MOB1B: variants seen among roughly 807,000 people sequenced by gnomAD.
The protein encoded by MOB1B is MOB kinase activator 1B.
In MOB1B, 19 loss-of-function variants were observed where a neutral mutation model predicts 24.4. The observed-to-expected ratio is 0.78, with a 90% CI of 0.54 to 1.14. The LOEUF (loss-of-function observed/expected upper bound fraction) is 1.14, where lower values mean the gene tolerates loss of function less well. Among genes scored for constraint, MOB1B ranks in the 50% most tolerant of loss-of-function variants. The probability of loss-of-function intolerance (pLI) is 0.00; values close to 1 mark genes in which losing one functional copy is unlikely to be tolerated. For synonymous variants in MOB1B, 76 were observed against 82.1 expected (o/e 0.93, Z 0.40); for missense variants, 243 against 259.6 (o/e 0.94, Z 0.44).
chr4:70,902,082 C>T (rs952566447), upstream of MOB1B, among the ~76,000 whole-genome samples: 3 of 152,196 alleles, frequency 2.0e-5, no homozygotes, highest in African/African-American at 7.2e-5. Context: ...CTGAGCGGCT[C>T]CGAGAGCTCT....
At position 70,979,120 on chromosome 4, in the gene MOB1B, T is replaced by C. The variant is rs2148904442; in HGVS notation, c.410-8T>C. ...GTTACTAGAGGGAGTTGTTTATCTC[T>C]TTTCTAGGTGTCCCGTTCCCAAAGA... On this transcript the variant is annotated splice_polypyrimidine_tract_variant and splice_region_variant and intron_variant, in intron 4 of 5. Transcript: ENST00000309395. 6.2e-7 allele frequency: 1 copy of C among 1,611,856 alleles called. No individual in the cohort carries two copies. The highest frequency in any genetic ancestry group is 2.2e-5 in the East Asian group (1 of 44,842).
Position 70,984,457 on chromosome 4 carries a change from A to G in MOB1B, c.*2400A>G, listed in dbSNP as rs2148906952. 6.6e-6 allele frequency: 1 copy of G among 152,334 alleles called. No homozygotes were observed. Among genetic ancestry groups the G allele is most frequent in the African/African-American group, 2.4e-5 (1 of 41,584 alleles). The allele number at this position is 152,334 out of a possible 1,614,324, so 9.4% of individuals were successfully genotyped here. Reference sequence around the variant, plus strand: ...TATAAGGATCAGTGCTTTGTTCTGCAGCAGAGTTTGCTGATAAATGTCTGT... The same window carrying G: ...TATAAGGATCAGTGCTTTGTTCTGCGGCAGAGTTTGCTGATAAATGTCTGT... On this transcript the variant is annotated 3_prime_UTR_variant, in exon 6 of 6. Transcript: ENST00000309395.
rs374990236 is a variant in MOB1B at position 70,955,112 on chromosome 4, TA to T, written c.15-3759del. Among the ~76,000 whole-genome samples the T allele has an allele frequency of 3.2e-4, 49 of 152,236 alleles. No individual in the cohort carries two copies. In the East Asian group the frequency reaches 5.2e-3, roughly 16 times the overall value. ...AGATTTTATTTTTTCTACCAAAGTA[TA>T]AAGTTCTGGGAGGAGAATTGATCAA... On this transcript the variant is annotated intron_variant, in intron 1 of 5. Transcript: ENST00000309395.
In MOB1B at chr4:70,982,316, T is replaced by C. The variant is rs1739241394; in HGVS notation, c.*259T>C. ...AACTTGGTTTTGGTTACTTGAGGAG[T>C]TTTTTAATAATATTGTGTGCTGCAA... On this transcript the variant is annotated 3_prime_UTR_variant, in exon 6 of 6. Transcript: ENST00000309395. 1 of 289,196 alleles carries C rather than the reference T, an allele frequency of 3.5e-6. No homozygotes were observed. The highest frequency in any genetic ancestry group is 5.1e-5 in the Admixed American group (1 of 19,674). 17.9% of individuals were successfully genotyped at this position (289,196 alleles called of 1,614,324 possible).
chr4:70,977,193 C>G lies in MOB1B; in HGVS notation c.409+1907C>G, dbSNP rs182024382. Among the ~76,000 whole-genome samples, 23 of 152,240 alleles carry G rather than the reference C, an allele frequency of 1.5e-4. No individual in the cohort carries two copies. The East Asian group carries it at 4.2e-3, about 28-fold the overall frequency. On this transcript the variant is annotated intron_variant, in intron 4 of 5. Transcript: ENST00000309395. ...TTTTCTTAATAATGTACTTTATAAG[C>G]AAAGGAAATCTTTTATATTTGTTTT... is the stretch of plus-strand genomic sequence containing the variant.
chr4:70,904,776 A>T (rs1352550515), intron 1 of MOB1B, among the ~76,000 whole-genome samples: 2 of 149,698 alleles, frequency 1.3e-5, no homozygotes, highest in Admixed American at 1.3e-4. Flanking sequence ...AAAAAAAAAA[A>T]GGTTAAAGCA....
intron 1 of MOB1B, among the ~76,000 whole-genome samples, chr4:70,912,904 G>C (rs1272927729): frequency 6.6e-6 from 1 of 152,170 alleles, no homozygotes; most frequent in African/African-American, 2.4e-5. Flanking sequence ...GGGACTACAA[G>C]CATGTTCTAC....
intron 1 of MOB1B, among the ~76,000 whole-genome samples, chr4:70,903,160 C>T (rs1735587675): frequency 6.6e-6 from 1 of 152,176 alleles, no homozygotes; most frequent in Admixed American, 6.6e-5. Flanking sequence ...TCTGGAGCCG[C>T]CCCCTTGCTT....
rs561379972 is a variant in MOB1B, at chr4:70,904,548, C to T, written c.14+1998C>T. Among the ~76,000 whole-genome samples the T allele has an allele frequency of 1.9e-3, 284 of 151,742 alleles. 1 individual carries two copies. Among genetic ancestry groups the T allele is most frequent in the African/African-American group, 6.5e-3 (268 of 41,414 alleles). On this transcript the variant is annotated intron_variant, in intron 1 of 5. Coordinates refer to ENST00000309395, the MANE Select transcript of MOB1B (RefSeq NM_173468.4). The stretch of plus-strand genomic sequence containing the variant: ...GGCCAAGACAGGCAGATCACCAGGT[C>T]AGGAGTTCGAGATCAGCCTGGCCAA...
chr4:70,954,272 C>T lies in MOB1B; in HGVS notation c.15-4602C>T, dbSNP rs557515564. Among the ~76,000 whole-genome samples the T allele has an allele frequency of 3.3e-4, 50 of 152,090 alleles. No individual in the cohort carries two copies. The South Asian group carries it at 9.6e-3, about 29-fold the overall frequency. ...TGAAAATACTAAATGTTGCATATAT[C>T]CTCTCATTTTGCCACTGTCCTGTGA... On this transcript the variant is annotated intron_variant, in intron 1 of 5. Transcript: ENST00000309395.
chr4:70,975,570 CT>C, intron 4 of MOB1B: 2 of 1,033,928 alleles, frequency 1.9e-6, no homozygotes, highest in Non-Finnish European at 2.3e-6. Context: ...TGATCTCCCT[CT>C]CTTAAGGTAA....
chr4:70,923,839 A>G (rs986048480), intron 1 of MOB1B, among the ~76,000 whole-genome samples: 2 of 150,646 alleles, frequency 1.3e-5, no homozygotes, highest in African/African-American at 2.4e-5. Context: ...AGTCCCACCT[A>G]CTCAGGCTGA....
intron 1 of MOB1B, among the ~76,000 whole-genome samples, chr4:70,931,279 G>T (rs375180659): frequency 4.6e-5 from 7 of 152,178 alleles, no homozygotes; most frequent in Non-Finnish European, 2.9e-5. Flanking sequence ...ATGATTTGCA[G>T]TTACATTCTG....
intron 1 of MOB1B, among the ~76,000 whole-genome samples, chr4:70,945,242 G>C (rs747470618): frequency 4.6e-5 from 7 of 152,138 alleles, no homozygotes; most frequent in Non-Finnish European, 1.0e-4. Flanking sequence ...CAGAATATCA[G>C]ATTACCGAAG....
intron 1 of MOB1B, among the ~76,000 whole-genome samples, chr4:70,946,999 A>T (rs748963180): frequency 2.6e-5 from 4 of 152,182 alleles, no homozygotes; most frequent in Non-Finnish European, 4.4e-5. Flanking sequence ...AGGGTGCTTC[A>T]AATGTAATTT....
chr4:70,946,084 C>CTTTTTTTTTTTTTTTTT (rs11331194), intron 1 of MOB1B, among the ~76,000 whole-genome samples: 1 of 85,384 alleles, frequency 1.2e-5, no homozygotes, highest in African/African-American at 4.1e-5. Flanking sequence ...TTTGTTTGTT[C>CTTTTTTTTTTTTTTTTT]TTTTTTTTTT....
chr4:70,915,084 A>G (rs1736146854), intron 1 of MOB1B, among the ~76,000 whole-genome samples: 1 of 152,250 alleles, frequency 6.6e-6, no homozygotes, highest in Non-Finnish European at 1.5e-5. Context: ...TATTATCATT[A>G]TCTTAACAAT....
rs890599849 is a variant in MOB1B at position 70,970,098 on chromosome 4, A to T, written c.275+74A>T. The T allele has an allele frequency of 4.6e-6, 4 of 870,846 alleles. No individual in the cohort carries two copies. In the African/African-American group the frequency reaches 6.8e-5, roughly 15 times the overall value. The allele number at this position is 870,846 out of a possible 1,614,324, so 53.9% of individuals were successfully genotyped here. On this transcript the variant is annotated intron_variant, in intron 3 of 5. Coordinates refer to ENST00000309395, the MANE Select transcript of MOB1B (RefSeq NM_173468.4). ...TTCTTAAAGAAAAACGAAGTTTCTG[A>T]CCATATGATTTTTCTACTTATCGTC...
chr4:70,955,506 T>C (rs1489030218), intron 1 of MOB1B, among the ~76,000 whole-genome samples: 1 of 149,850 alleles, frequency 6.7e-6, no homozygotes, highest in African/African-American at 2.5e-5. Flanking sequence ...TGTCTTGCTT[T>C]GTCATCCAGG....
Sources: gnomAD v4.1 joint callset for allele counts (sites outside exome capture counted in the v4.1 genomes callset) on GRCh38, gnomAD v4.1.1 for gene constraint, MANE v1.5 for transcripts, NCBI Gene and HGNC (gene_info 2026-07-23, HGNC 2026-07-21) for gene names.